KCNH7: variants seen among roughly 807,000 people sequenced by gnomAD.
KCNH7 encodes the protein potassium voltage-gated channel subfamily H member 7, also known as voltage-gated inwardly rectifying potassium channel KCNH7.
In KCNH7, 49 loss-of-function variants were observed where a neutral mutation model predicts 120.8. That is an observed-to-expected ratio of 0.41 (90% CI 0.32 to 0.51). The LOEUF is 0.51. KCNH7 is among the 20% of genes least tolerant of loss of function. The probability of loss-of-function intolerance (pLI) is 0.38; values close to 1 mark genes in which losing one functional copy is unlikely to be tolerated. For missense variants in KCNH7, 1,097 were observed against 1,446.6 expected (o/e 0.76, Z 3.92); for synonymous variants, 547 against 516.1 (o/e 1.06, Z -0.81).
At chr2:162,548,696 T>C (rs1449525138) in intron 2 of KCNH7, among the ~76,000 whole-genome samples, 1 of 152,152 alleles carries the variant, frequency 6.6e-6, no homozygotes, top group Non-Finnish European at 1.5e-5. Flanking sequence ...CAGGAGTTAA[T>C]TCCTGGGTCT....
intron 3 of KCNH7, among the ~76,000 whole-genome samples, chr2:162,524,932 C>T (rs760940974): frequency 1.1e-4 from 17 of 151,938 alleles, no homozygotes; most frequent in African/African-American, 2.4e-5. Flanking sequence ...GCAGCTAGAC[C>T]GGGAAAGATT....
At chr2:162,748,927 T>TTTCCTTC (rs1553520255) in intron 2 of KCNH7, among the ~76,000 whole-genome samples, 2 of 27,842 alleles carry the variant, frequency 7.2e-5, no homozygotes, top group African/African-American at 2.3e-4. Context: ...TTCCCTTTCC[T>TTTCCTTC]TTCCTTCCTT....
At chr2:162,766,906 T>C (rs305685) in intron 2 of KCNH7, among the ~76,000 whole-genome samples, 5,946 of 131,474 alleles carry the variant, frequency 0.045, 148 homozygotes, top group East Asian at 0.084. Context: ...CACACACACA[T>C]AAACACACAT....
chr2:162,744,301 T>C (rs959183574), intron 2 of KCNH7, among the ~76,000 whole-genome samples: 1 of 152,208 alleles, frequency 6.6e-6, no homozygotes, highest in Non-Finnish European at 1.5e-5. Context: ...ATTTTTATTG[T>C]ATGAAACAAA....
intron 2 of KCNH7, among the ~76,000 whole-genome samples, chr2:162,738,661 CT>C (rs1045418565): frequency 1.3e-5 from 2 of 152,180 alleles, no homozygotes; most frequent in Non-Finnish European, 2.9e-5. Context: ...TGTGTTTGTC[CT>C]TTATTCTGGT....
Position 162,680,105 on chromosome 2 carries a change from T to C in KCNH7, c.308-143025A>G, listed in dbSNP as rs183607806. 9.9e-5 allele frequency among the ~76,000 whole-genome samples: 15 copies of C among 151,672 alleles called. 1 individual carries two copies. In the East Asian group the frequency reaches 2.7e-3, roughly 28 times the overall value. On this transcript the variant is annotated intron_variant, in intron 2 of 15. Coordinates refer to ENST00000332142, the MANE Select transcript of KCNH7 (RefSeq NM_033272.4). Reference sequence around the variant, plus strand: ...TTGCAGTCTCAATATTTTGTGCTGATTCACTTTGAAGGACAAAAGCAGAAA... The same window carrying C: ...TTGCAGTCTCAATATTTTGTGCTGACTCACTTTGAAGGACAAAAGCAGAAA...
At chr2:162,804,365 A>C (rs570664857) in intron 2 of KCNH7, among the ~76,000 whole-genome samples, 1 of 152,062 alleles carries the variant, frequency 6.6e-6, no homozygotes, top group African/African-American at 2.4e-5. Context: ...TTGATAAATG[A>C]ATTTCAGTAA....
chr2:162,468,910 G>A (rs751251847), intron 6 of KCNH7, among the ~76,000 whole-genome samples: 1 of 151,652 alleles, frequency 6.6e-6, no homozygotes, highest in African/African-American at 2.4e-5. Context: ...ACGTGCAGTG[G>A]CATAATCATA....
intron 2 of KCNH7, among the ~76,000 whole-genome samples, chr2:162,562,066 CG>C (rs1693090484): frequency 6.6e-6 from 1 of 151,820 alleles, no homozygotes; most frequent in South Asian, 2.1e-4. Flanking sequence ...GTTGGGTGGT[CG>C]GGGGCTAGGG....
intron 9 of KCNH7, among the ~76,000 whole-genome samples, chr2:162,413,519 C>T (rs1687454296): frequency 6.6e-6 from 1 of 152,046 alleles, no homozygotes; most frequent in African/African-American, 2.4e-5. Flanking sequence ...TAATGTGTAA[C>T]ACAGGTGTTA....
At chr2:162,443,250 T>C (rs560669028) in intron 7 of KCNH7, among the ~76,000 whole-genome samples, 1 of 152,318 alleles carries the variant, frequency 6.6e-6, no homozygotes, top group South Asian at 2.1e-4. Context: ...TCTCTTCTTA[T>C]ACTGACATAT....
At chr2:162,762,608 A>G (rs374893293) in intron 2 of KCNH7, among the ~76,000 whole-genome samples, 2 of 152,042 alleles carry the variant, frequency 1.3e-5, no homozygotes, top group Non-Finnish European at 2.9e-5. Context: ...AACTCAGTCT[A>G]TATGTCTCAG....
chr2:162,743,030 T>C (rs1039747383), intron 2 of KCNH7, among the ~76,000 whole-genome samples: 1 of 152,178 alleles, frequency 6.6e-6, no homozygotes, highest in African/African-American at 2.4e-5. Flanking sequence ...TCAGCCATAT[T>C]TGGTGCTCAG....
chr2:162,541,403 A>T (rs1296629020), intron 2 of KCNH7, among the ~76,000 whole-genome samples: 1 of 151,974 alleles, frequency 6.6e-6, no homozygotes, highest in Non-Finnish European at 1.5e-5. Flanking sequence ...GATAATCAAG[A>T]TTGTGGTGCG....
intron 2 of KCNH7, among the ~76,000 whole-genome samples, chr2:162,725,634 G>C (rs1687485865): frequency 6.6e-6 from 1 of 152,140 alleles, no homozygotes; most frequent in African/African-American, 2.4e-5. Flanking sequence ...GAGAAGGCAA[G>C]CTTTTGTTTT....
intron 2 of KCNH7, among the ~76,000 whole-genome samples, chr2:162,629,097 G>T (rs142075393): frequency 1.3e-5 from 2 of 152,070 alleles, no homozygotes; most frequent in Non-Finnish European, 2.9e-5. Flanking sequence ...GTGGTGATGT[G>T]GTGGAAATAG....
Position 162,379,882 on chromosome 2 carries a change from T to C in KCNH7, c.3102A>G (p.Arg1034=), listed in dbSNP as rs1462715546. Residue 1034 remains arginine (R), a synonymous_variant, in exon 14 of 16, where the codon AGA becomes AGG. Coordinates refer to ENST00000332142, the MANE Select transcript of KCNH7 (RefSeq NM_033272.4). Reference sequence around the variant, plus strand: ...TAAGTTGCTCCTGGAGCAGATCTAATCTTTGTTCCACTTCCCCGTAGGTGA... The same window carrying C: ...TAAGTTGCTCCTGGAGCAGATCTAACCTTTGTTCCACTTCCCCGTAGGTGA... ...SDLTYGEVEQ[R]LDLLQEQLNR... The C allele has an allele frequency of 1.9e-6, 3 of 1,614,012 alleles. No homozygotes were observed. Among genetic ancestry groups the C allele is most frequent in the Non-Finnish European group, 2.5e-6 (3 of 1,179,920 alleles).
chr2:162,619,946 A>T (rs934675503), intron 2 of KCNH7, among the ~76,000 whole-genome samples: 3 of 151,912 alleles, frequency 2.0e-5, no homozygotes, highest in African/African-American at 4.8e-5. Context: ...AGATTTTACA[A>T]CCTGTTCTAA....
intron 7 of KCNH7, among the ~76,000 whole-genome samples, chr2:162,437,165 C>T (rs1289423882): frequency 2.0e-5 from 3 of 152,184 alleles, no homozygotes; most frequent in African/African-American, 4.8e-5. Flanking sequence ...TTGTTTTTCC[C>T]TTGTGCCATA....
Sources: allele counts gnomAD v4.1 joint callset (sites outside exome capture counted in the v4.1 genomes callset), GRCh38; gene constraint gnomAD v4.1.1; transcripts MANE v1.5; gene names NCBI Gene and HGNC (gene_info 2026-07-23, HGNC 2026-07-21).